The following RARB variants were observed in gnomAD, a reference collection of about 807,000 sequenced individuals.
RARB encodes the protein retinoic acid receptor beta, also known as HBV-activated protein.
In RARB, 17 loss-of-function variants were observed where a neutral mutation model predicts 51.9. That is an observed-to-expected ratio of 0.33 (90% CI 0.22 to 0.49). RARB has a LOEUF of 0.49. RARB is among the 20% of genes least tolerant of loss of function. The pLI is 0.99. For synonymous variants in RARB, 215 were observed against 195.4 expected (o/e 1.10, Z -0.84); for missense variants, 369 against 550.8 (o/e 0.67, Z 3.30).
At position 25,293,597 on chromosome 3, in the gene RARB, T is replaced by TAAAAAAAAAAAAAAAAAAAAAAAAA. The variant is rs10713675; in HGVS notation, c.178+119043_178+119044insAAAAAAAAAAAAAAAAAAAAAAAAA. 3.1e-4 allele frequency among the ~76,000 whole-genome samples: 21 copies of TAAAAAAAAAAAAAAAAAAAAAAAAA among 68,632 alleles called. 4 individuals are homozygous for TAAAAAAAAAAAAAAAAAAAAAAAAA. The highest frequency in any genetic ancestry group is 1.7e-3 in the East Asian group (2 of 1,206). 45.0% of individuals were successfully genotyped at this position (68,632 alleles called of 152,430 possible). On this transcript the variant is annotated intron_variant, in intron 5 of 11. Coordinates refer to the RARB transcript ENST00000383772. ...TTCCCGAGGCTAGAGTTACTCCATT[T>TAAAAAAAAAAAAAAAAAAAAAAAAA]AAAAAAAAAAAAAAAAAAAAAGTTC...
chr3:25,367,903 G>A (rs1706176868), intron 5 of RARB, among the ~76,000 whole-genome samples: 1 of 152,032 alleles, frequency 6.6e-6, no homozygotes. Flanking sequence ...GAGTATCGAA[G>A]TAGACAGGCT....
At chr3:25,345,229 G>A (rs868093351) in intron 5 of RARB, among the ~76,000 whole-genome samples, 1 of 152,088 alleles carries the variant, frequency 6.6e-6, no homozygotes, top group Admixed American at 6.6e-5. Context: ...AGGTTTTTTG[G>A]TTTGGGTTTT....
chr3:24,928,075 G>A (rs771104855), intron 2 of RARB, among the ~76,000 whole-genome samples: 56 of 151,960 alleles, frequency 3.7e-4, no homozygotes, highest in Non-Finnish European at 2.2e-4. Context: ...CAAAGTTAAC[G>A]TTTTCTGAGA....
chr3:25,144,876 G>A (rs992068338), intron 4 of RARB, among the ~76,000 whole-genome samples: 3 of 152,212 alleles, frequency 2.0e-5, no homozygotes, highest in African/African-American at 4.8e-5. Context: ...GTGGAGTGGT[G>A]TGATGGCAGA....
At chr3:24,858,975 T>C (rs1702685110) in intron 2 of RARB, among the ~76,000 whole-genome samples, 1 of 138,830 alleles carries the variant, frequency 7.2e-6, no homozygotes, top group Non-Finnish European at 1.5e-5. Flanking sequence ...AGGTGGAGGT[T>C]GCGGTGAGCT....
chr3:24,913,575 AC>A (rs762608815), intron 2 of RARB, among the ~76,000 whole-genome samples: 3 of 152,164 alleles, frequency 2.0e-5, no homozygotes, highest in Non-Finnish European at 2.9e-5. Flanking sequence ...AAATATTGTT[AC>A]AAAAATGGGT....
intron 5 of RARB, among the ~76,000 whole-genome samples, chr3:25,401,724 C>T (rs766226894): frequency 2.0e-5 from 3 of 152,148 alleles, no homozygotes; most frequent in African/African-American, 4.8e-5. Flanking sequence ...GAAGCACAAA[C>T]AGATAAAAGG....
intron 5 of RARB, among the ~76,000 whole-genome samples, chr3:25,411,729 T>C (rs1286782290): frequency 3.3e-5 from 5 of 152,242 alleles, no homozygotes; most frequent in African/African-American, 1.2e-4. Context: ...TCATGGCTTG[T>C]GTGCCCCTTT....
chr3:25,511,995 CACTT>C (rs1211778513), intron 3 of RARB, among the ~76,000 whole-genome samples: 4 of 152,152 alleles, frequency 2.6e-5, no homozygotes, highest in Non-Finnish European at 5.9e-5. Context: ...CCCAGCCCAC[CACTT>C]ACTTAGCTCT....
chr3:24,949,569 C>G (rs1038320992), intron 2 of RARB, among the ~76,000 whole-genome samples: 1 of 152,136 alleles, frequency 6.6e-6, no homozygotes, highest in African/African-American at 2.4e-5. Flanking sequence ...CAAAAAGTGA[C>G]TATTAAATTT....
chr3:25,481,051 T>C (rs1222805226), intron 2 of RARB, among the ~76,000 whole-genome samples: 1 of 152,210 alleles, frequency 6.6e-6, no homozygotes, highest in Non-Finnish European at 1.5e-5. Flanking sequence ...GAACTAGCAC[T>C]GCCAGGTTTT....
intron 3 of RARB, among the ~76,000 whole-genome samples, chr3:25,089,574 A>G (rs1699161458): frequency 6.6e-6 from 1 of 152,114 alleles, no homozygotes; most frequent in African/African-American, 2.4e-5. Context: ...TGTTCTTACC[A>G]TTGAAAAAGC....
intron 5 of RARB, among the ~76,000 whole-genome samples, chr3:25,252,149 G>T (rs1451268817): frequency 6.6e-6 from 1 of 152,034 alleles, no homozygotes; most frequent in African/African-American, 2.4e-5. Context: ...TGCCACCCTT[G>T]TCAAAATCAT....
intron 3 of RARB, among the ~76,000 whole-genome samples, chr3:25,089,782 A>T (rs1021970027): frequency 6.6e-6 from 1 of 152,172 alleles, no homozygotes; most frequent in South Asian, 2.1e-4. Flanking sequence ...ACTGATAAAT[A>T]GTTTCCATAC....
At chr3:25,354,687 T>C (rs1439346382) in intron 5 of RARB, among the ~76,000 whole-genome samples, 1 of 152,088 alleles carries the variant, frequency 6.6e-6, no homozygotes, top group East Asian at 1.9e-4. Flanking sequence ...CTGAGTAAAA[T>C]GCCTCAGTAT....
intron 5 of RARB, among the ~76,000 whole-genome samples, chr3:25,323,239 A>C (rs1163856361): frequency 3.3e-5 from 5 of 152,324 alleles, no homozygotes; most frequent in Admixed American, 6.5e-5. Flanking sequence ...CTGCTGGTCA[A>C]AGCAAACCAC....
chr3:25,083,743 G>A (rs1206525442), intron 3 of RARB, among the ~76,000 whole-genome samples: 1 of 152,074 alleles, frequency 6.6e-6, no homozygotes, highest in Non-Finnish European at 1.5e-5. Context: ...ACTCTGGGTT[G>A]TATTATCATC....
At chr3:25,111,402 G>C (rs937812613) in intron 3 of RARB, among the ~76,000 whole-genome samples, 2 of 152,066 alleles carry the variant, frequency 1.3e-5, no homozygotes, top group Admixed American at 6.6e-5. Flanking sequence ...ACCACCTGTA[G>C]CCTTATTTGT....
At chr3:25,591,197 T>C (rs879539714) in intron 5 of RARB, among the ~76,000 whole-genome samples, 5 of 152,232 alleles carry the variant, frequency 3.3e-5, no homozygotes, top group Non-Finnish European at 7.3e-5. Context: ...TAATGATCAA[T>C]TGCTAATTCA....
Sources: gnomAD v4.1 joint callset for allele counts (sites outside exome capture counted in the v4.1 genomes callset) on GRCh38, gnomAD v4.1.1 for gene constraint, MANE v1.5 for transcripts, NCBI Gene and HGNC (gene_info 2026-07-23, HGNC 2026-07-21) for gene names.